Variants in PSMA5 observed in about 807,000 individuals in gnomAD.
PSMA5 encodes proteasome subunit alpha type-5.
PSMA5 carries 3 observed loss-of-function variants against 34.5 expected under a neutral mutation model. The observed-to-expected ratio is 0.09, with a 90% confidence interval of 0.04 to 0.22. PSMA5 has a LOEUF of 0.22. Ranked by LOEUF, PSMA5 falls within the 10% of genes least tolerant of loss-of-function variation. The pLI is 1.00. For missense variants in PSMA5, 120 were observed against 286.1 expected, an observed-to-expected ratio of 0.42 and a Z score of 4.19; for synonymous variants, 88 against 95.8, an observed-to-expected ratio of 0.92 and a Z score of 0.47.
intron 8 of PSMA5, among the ~76,000 whole-genome samples, chr1:109,402,335 C>CT (rs1404098019): frequency 6.6e-6 from 1 of 152,210 alleles, no homozygotes; most frequent in South Asian, 2.1e-4. Flanking sequence ...AACCAAATGC[C>CT]TGGCATCATT....
At chr1:109,426,206 G>T (rs970823842) in intron 1 of PSMA5, 96 bp downstream of exon 1, 1 of 1,523,014 alleles carries the variant, frequency 6.6e-7, no homozygotes, top group Non-Finnish European at 9.1e-7. Flanking sequence ...TCGGGTTCCT[G>T]GGGAGCCCCA....
At position 109,415,162 on chromosome 1, in the gene PSMA5, A is replaced by C. The variant is rs527887630; in HGVS notation, c.223+75T>G. ...AGGGGATAACGTGTTCATTTCATAA[A>C]CCTTCCTTGGAACATCATAGAGGAC... On this transcript the variant is annotated intron_variant, in intron 3 of 8. Transcript: ENST00000271308. 67 of 1,475,240 alleles carry C rather than the reference A, an allele frequency of 4.5e-5. 1 individual carries two copies. The South Asian group carries it at 8.3e-4, about 18-fold the overall frequency. The allele number at this position is 1,475,240 out of a possible 1,614,324, so 91.4% of individuals were successfully genotyped here.
chr1:109,419,078 G>A (rs61797132), intron 2 of PSMA5, among the ~76,000 whole-genome samples: 14,458 of 152,048 alleles, frequency 0.095, 960 homozygotes, highest in Middle Eastern at 0.17. Flanking sequence ...GCTTGAACAC[G>A]GGAGGCGGAG....
chr1:109,407,784 G>A (rs1653837435), intron 8 of PSMA5, among the ~76,000 whole-genome samples: 2 of 152,046 alleles, frequency 1.3e-5, no homozygotes, highest in Non-Finnish European at 2.9e-5. Flanking sequence ...TGAGATTACA[G>A]GCACGCACCA....
intron 2 of PSMA5, among the ~76,000 whole-genome samples, chr1:109,415,571 T>C (rs983112538): frequency 2.0e-5 from 3 of 152,210 alleles, no homozygotes; most frequent in African/African-American, 7.2e-5. Flanking sequence ...AATTTTGTGA[T>C]TCTAAAAAGT....
chr1:109,414,546 C>A (rs1239260228), intron 3 of PSMA5, among the ~76,000 whole-genome samples: 1 of 152,186 alleles, frequency 6.6e-6, no homozygotes, highest in African/African-American at 2.4e-5. Flanking sequence ...ATTTGTTGAA[C>A]ACAGTGACAC....
chr1:109,411,161 C>A (rs1052133786), intron 6 of PSMA5, 48 bp from the exon 7 acceptor site: 3 of 1,336,768 alleles, frequency 2.2e-6, no homozygotes, highest in South Asian at 2.5e-5. Flanking sequence ...AGTGGTGGCA[C>A]TTTATGTAAC....
At chr1:109,412,966 C>A (rs1654057246) in intron 4 of PSMA5, 102 bp downstream of exon 4, 2 of 981,996 alleles carry the variant, frequency 2.0e-6, no homozygotes, top group Non-Finnish European at 3.2e-6. Flanking sequence ...AGAGCCACAT[C>A]TAATATTGAC....
intron 2 of PSMA5, among the ~76,000 whole-genome samples, chr1:109,421,438 G>A (rs1406682676): frequency 6.7e-6 from 1 of 150,144 alleles, no homozygotes; most frequent in East Asian, 1.9e-4. Context: ...ACTCCAGCCT[G>A]GGCAACTGAG....
intron 4 of PSMA5, chr1:109,412,388 C>T (rs2303875): frequency 3.0e-5 from 15 of 504,428 alleles, no homozygotes; most frequent in African/African-American, 1.9e-4. Context: ...AAGGACTCTA[C>T]GCAACGACGG....
rs972590236 is a variant in PSMA5 at position 109,399,143 on chromosome 1, A to T, written c.*2870T>A. On this transcript the variant is annotated 3_prime_UTR_variant, in exon 9 of 9. Coordinates refer to ENST00000271308, the MANE Select transcript of PSMA5 (RefSeq NM_002790.4). The stretch of plus-strand genomic sequence containing the variant: ...ACAATGCACCCAACCCGATATTTAC[A>T]TTAAAATATTTCCAGTCACATTAAC... 3.3e-5 allele frequency: 5 copies of T among 152,252 alleles called. No individual in the cohort carries two copies. Among genetic ancestry groups the T allele is most frequent in the African/African-American group, 1.2e-4 (5 of 41,468 alleles). 9.4% of individuals were successfully genotyped at this position (152,252 alleles called of 1,614,324 possible).
chr1:109,412,396 C>A, intron 4 of PSMA5: 1 of 477,164 alleles, frequency 2.1e-6, no homozygotes, highest in Non-Finnish European at 3.8e-6. Flanking sequence ...TACGCAACGA[C>A]GGACAAGAGA....
intron 6 of PSMA5, 138 bp downstream of exon 6, chr1:109,411,739 C>T (rs953152759): frequency 1.1e-5 from 9 of 822,658 alleles, no homozygotes; most frequent in Non-Finnish European, 1.8e-5. Context: ...GATCCTCCTG[C>T]CTTAGCCTTC....
intron 8 of PSMA5, among the ~76,000 whole-genome samples, chr1:109,408,021 T>C (rs1328823152): frequency 6.6e-6 from 1 of 152,178 alleles, no homozygotes; most frequent in East Asian, 1.9e-4. Flanking sequence ...AATTTTACTG[T>C]TGCATTCACC....
intron 3 of PSMA5, 147 bp downstream of exon 3, chr1:109,415,090 C>T (rs1318699055): frequency 3.1e-6 from 3 of 971,378 alleles, no homozygotes; most frequent in Non-Finnish European, 4.3e-6. Flanking sequence ...CCTCCTACTC[C>T]TACATTTACG....
chr1:109,408,511 T>C (rs1378504746), intron 8 of PSMA5, among the ~76,000 whole-genome samples: 2 of 152,190 alleles, frequency 1.3e-5, no homozygotes, highest in Non-Finnish European at 2.9e-5. Context: ...ACTACTTGAA[T>C]AGGAATTGGA....
intron 2 of PSMA5, among the ~76,000 whole-genome samples, chr1:109,418,966 C>T (rs1201184630): frequency 6.6e-6 from 1 of 152,088 alleles, no homozygotes; most frequent in Admixed American, 6.5e-5. Flanking sequence ...ACTAGCCTGA[C>T]CAACATGGAC....
intron 2 of PSMA5, among the ~76,000 whole-genome samples, chr1:109,417,140 C>T (rs1444792748): frequency 6.6e-6 from 1 of 152,138 alleles, no homozygotes; most frequent in East Asian, 1.9e-4. Context: ...GCTCATATTT[C>T]TAGTTAAAGG....
intron 8 of PSMA5, among the ~76,000 whole-genome samples, chr1:109,405,468 G>A (rs1429092106): frequency 3.5e-5 from 1 of 28,978 alleles, no homozygotes; most frequent in African/African-American, 1.4e-4. Flanking sequence ...TTTTTTTTTT[G>A]AGACAGAGTC....
Sources: allele counts gnomAD v4.1 joint callset (sites outside exome capture counted in the v4.1 genomes callset), GRCh38; gene constraint gnomAD v4.1.1; transcripts MANE v1.5; gene names NCBI Gene and HGNC (gene_info 2026-07-23, HGNC 2026-07-21).